The following MICOS10 variants were observed in gnomAD, a reference collection of about 807,000 sequenced individuals.
The protein encoded by MICOS10 is MICOS complex subunit MIC10.
Under a neutral mutation model 13.4 loss-of-function variants are expected in MICOS10, and 5 were observed. That is an observed-to-expected ratio of 0.37 (90% CI 0.20 to 0.78). MICOS10 has a LOEUF of 0.78. Among genes scored for constraint, MICOS10 ranks in the 30% least tolerant of loss-of-function variants. The pLI is 0.47. For missense variants in MICOS10, 101 were observed against 94.6 expected, an observed-to-expected ratio of 1.07 and a Z score of -0.28; for synonymous variants, 35 against 33.6, an observed-to-expected ratio of 1.04 and a Z score of -0.15.
chr1:19,597,066 C>T lies in MICOS10; in HGVS notation c.21C>T (p.Gly7=), dbSNP rs777168829. The T allele has an allele frequency of 8.8e-6, 14 of 1,594,588 alleles. No homozygotes were observed. Among genetic ancestry groups the T allele is most frequent in the Non-Finnish European group, 1.7e-6 (2 of 1,172,812 alleles). Reference sequence around the variant, plus strand: ...GGAACATGTCTGAGTCGGAGCTCGGCAGGAAGTGGGACCGGTGTCTGGCGG... The same window carrying T: ...GGAACATGTCTGAGTCGGAGCTCGGTAGGAAGTGGGACCGGTGTCTGGCGG... MSESEL[G]RKWDRCLADA... Residue 7 remains glycine, a synonymous_variant, in exon 1 of 4, where the codon GGC becomes GGT. Transcript: ENST00000322753.
intron 1 of MICOS10, among the ~76,000 whole-genome samples, chr1:19,617,910 T>A (rs901995398): frequency 3.3e-5 from 5 of 151,680 alleles, no homozygotes; most frequent in African/African-American, 1.2e-4. Flanking sequence ...TTAAAAAATA[T>A]ATATATATGT....
chr1:19,623,437 A>T (rs1427701642), intron 2 of MICOS10, 37 bp from the exon 3 acceptor site: 2 of 1,312,340 alleles, frequency 1.5e-6, no homozygotes, highest in Non-Finnish European at 1.1e-6. Context: ...TTCTCTTAAT[A>T]ATTCCCTATT....
chr1:19,603,504 G>A (rs2094823592), intron 1 of MICOS10, among the ~76,000 whole-genome samples: 1 of 152,190 alleles, frequency 6.6e-6, no homozygotes, highest in Non-Finnish European at 1.5e-5. Context: ...TTTGCCAGAG[G>A]ACGCTTTGAG....
intron 3 of MICOS10, among the ~76,000 whole-genome samples, chr1:19,624,487 CATGT>C (rs1287772634): frequency 6.6e-6 from 1 of 152,078 alleles, no homozygotes; most frequent in Admixed American, 6.6e-5. Flanking sequence ...GGGGTTTCAC[CATGT>C]TGGCCAGGCT....
chr1:19,608,459 C>T (rs758425710), intron 1 of MICOS10: 13 of 1,275,632 alleles, frequency 1.0e-5, no homozygotes, highest in Non-Finnish European at 1.5e-5. Flanking sequence ...CCAGTCGGCC[C>T]TCAGAGCCCT....
At chr1:19,625,475 CAA>C (rs2094918731) in intron 3 of MICOS10, 1 of 1,289,408 alleles carries the variant, frequency 7.8e-7, no homozygotes, top group African/African-American at 1.5e-5. Flanking sequence ...TGCACCAAAG[CAA>C]GAGTGAGGTC....
chr1:19,621,618 C>T (rs59097617), intron 1 of MICOS10, among the ~76,000 whole-genome samples: 1 of 152,174 alleles, frequency 6.6e-6, no homozygotes, highest in Non-Finnish European at 1.5e-5. Flanking sequence ...GATATTCTGG[C>T]TTGTGTGATA....
intron 1 of MICOS10, among the ~76,000 whole-genome samples, chr1:19,602,188 G>A (rs919307085): frequency 2.0e-5 from 3 of 152,178 alleles, no homozygotes; most frequent in African/African-American, 7.2e-5. Flanking sequence ...CTGGTTTAGA[G>A]GAGGCGTACA....
intron 3 of MICOS10, among the ~76,000 whole-genome samples, chr1:19,624,976 G>A (rs1455595442): frequency 6.6e-6 from 1 of 152,166 alleles, no homozygotes; most frequent in African/African-American, 2.4e-5. Context: ...TTACTCTTGG[G>A]CTAGAATCAC....
At chr1:19,611,742 C>T (rs908384432) in intron 1 of MICOS10, among the ~76,000 whole-genome samples, 8 of 151,844 alleles carry the variant, frequency 5.3e-5, no homozygotes, top group Admixed American at 1.3e-4. Flanking sequence ...GAGGCTGAGG[C>T]AGGCGGATCA....
rs2094854533 is a variant in MICOS10, at chr1:19,610,283, G to A, written c.65-11817G>A. Among the ~76,000 whole-genome samples, 3 of 140,406 alleles carry A rather than the reference G, an allele frequency of 2.1e-5. No homozygotes were observed. The South Asian group carries it at 7.4e-4, about 35-fold the overall frequency. 92.1% of individuals were successfully genotyped at this position (140,406 alleles called of 152,430 possible). A position where few individuals can be genotyped will look rare whatever the true frequency, so the allele number is the denominator to read the frequency against. ...AGAAAGGATAAATGAGTACAAATCA[G>A]AAAAAATGTTGGAGGCTCTAGATAA... On this transcript the variant is annotated intron_variant, in intron 1 of 3. Transcript: ENST00000322753.
chr1:19,602,519 G>A (rs1250642579), intron 1 of MICOS10, among the ~76,000 whole-genome samples: 1 of 152,184 alleles, frequency 6.6e-6, no homozygotes, highest in Non-Finnish European at 1.5e-5. Context: ...AACAAGTAGA[G>A]GGATGATGTT....
At chr1:19,614,053 T>A (rs577187371) in intron 1 of MICOS10, among the ~76,000 whole-genome samples, 109 of 152,304 alleles carry the variant, frequency 7.2e-4, no homozygotes, top group Non-Finnish European at 1.2e-3. Context: ...GATGTTTTTA[T>A]AAATCAAGTT....
At chr1:19,602,056 T>C (rs1182227046) in intron 1 of MICOS10, among the ~76,000 whole-genome samples, 1 of 152,242 alleles carries the variant, frequency 6.6e-6, no homozygotes, top group African/African-American at 2.4e-5. Context: ...TCATTTTTCT[T>C]AATAGCATGT....
At chr1:19,617,343 T>C (rs1365768585) in intron 1 of MICOS10, 1 of 977,320 alleles carries the variant, frequency 1.0e-6, no homozygotes, top group East Asian at 1.1e-4. Flanking sequence ...AAGGGTAAGG[T>C]CTTGTAAAAT....
chr1:19,603,655 C>T (rs537921338), intron 1 of MICOS10, among the ~76,000 whole-genome samples: 14 of 152,306 alleles, frequency 9.2e-5, no homozygotes, highest in Non-Finnish European at 1.3e-4. Context: ...AATATCTAGT[C>T]TTACTAATCC....
Position 19,629,577 on chromosome 1 carries a change from T to G in MICOS10, c.*3176T>G, listed in dbSNP as rs2094932127. 2 of 152,244 alleles carry G rather than the reference T, an allele frequency of 1.3e-5. No individual in the cohort carries two copies. The highest frequency in any genetic ancestry group is 2.9e-5 in the Non-Finnish European group (2 of 68,048). The allele number at this position is 152,244 out of a possible 1,614,324, so 9.4% of individuals were successfully genotyped here. ...GAGCTGTCTCCTTTAGTGAGTGTCA[T>G]CCTCTCATCCATTTCAAAAGATTGC... On this transcript the variant is annotated 3_prime_UTR_variant, in exon 4 of 4. Transcript: ENST00000322753.
intron 1 of MICOS10, among the ~76,000 whole-genome samples, chr1:19,600,331 A>T (rs4912012): frequency 2.0e-5 from 3 of 151,964 alleles, no homozygotes; most frequent in Non-Finnish European, 2.9e-5. Flanking sequence ...AAGAGAGAAG[A>T]AGTAAGGGAG....
rs1381855844 is a variant in MICOS10, at chr1:19,627,904, G to C, written c.*1503G>C. The C allele has an allele frequency of 6.6e-6, 1 of 152,260 alleles. No homozygotes were observed. Among genetic ancestry groups the C allele is most frequent in the East Asian group, 1.9e-4 (1 of 5,182 alleles). 9.4% of individuals were successfully genotyped at this position (152,260 alleles called of 1,614,324 possible). ...CTCCCTTTTCCAGAAAGGTCTGCTAGGCTCTGCCCTGCAAACTGTCCAGGC... is the reference window on the plus strand; with the variant it reads ...CTCCCTTTTCCAGAAAGGTCTGCTACGCTCTGCCCTGCAAACTGTCCAGGC... On this transcript the variant is annotated 3_prime_UTR_variant, in exon 4 of 4. Coordinates refer to ENST00000322753, the MANE Select transcript of MICOS10 (RefSeq NM_001032363.4).
Sources: gnomAD v4.1 joint callset for allele counts (sites outside exome capture counted in the v4.1 genomes callset) on GRCh38, gnomAD v4.1.1 for gene constraint, MANE v1.5 for transcripts, NCBI Gene and HGNC (gene_info 2026-07-23, HGNC 2026-07-21) for gene names.